CRIM1: variants seen among roughly 807,000 people sequenced by gnomAD.
CRIM1 encodes the protein cysteine rich transmembrane BMP regulator 1.
In CRIM1, 32 loss-of-function variants were observed where a neutral mutation model predicts 116.4. The observed-to-expected ratio is 0.27, with a 90% confidence interval of 0.21 to 0.37. The LOEUF is 0.37. CRIM1 is among the 10% of genes least tolerant of loss of function. The pLI is 1.00. For missense variants in CRIM1, 1,331 were observed against 1,354.8 expected (o/e 0.98, Z 0.28); for synonymous variants, 590 against 509.2 (o/e 1.16, Z -2.13).
At chr2:36,420,739 C>G (rs1330918126) in intron 2 of CRIM1, among the ~76,000 whole-genome samples, 1 of 152,116 alleles carries the variant, frequency 6.6e-6, no homozygotes, top group Non-Finnish European at 1.5e-5. Flanking sequence ...GAAAGGAGAG[C>G]ACAGTCGACA....
chr2:36,385,534 C>T (rs1671109591), intron 1 of CRIM1, among the ~76,000 whole-genome samples: 1 of 151,982 alleles, frequency 6.6e-6, no homozygotes. Context: ...CAGCTCTGTT[C>T]CTTGGCTGCA....
In CRIM1 at chr2:36,399,655, A is replaced by G. The variant is rs562001580; in HGVS notation, c.505+2868A>G. Among the ~76,000 whole-genome samples, 8 of 152,372 alleles carry G rather than the reference A, an allele frequency of 5.3e-5. 1 individual carries two copies. Among genetic ancestry groups the G allele is most frequent in the African/African-American group, 1.7e-4 (7 of 41,592 alleles). ...GAGGTCAAGAAGAGCTTAAGAAAAT[A>G]TAGGAGATACTACAGCATGTTTGGA... On this transcript the variant is annotated intron_variant, in intron 2 of 16. Coordinates refer to ENST00000280527, the MANE Select transcript of CRIM1 (RefSeq NM_016441.3).
At chr2:36,483,153 T>C (rs1679548801) in intron 7 of CRIM1, among the ~76,000 whole-genome samples, 2 of 152,202 alleles carry the variant, frequency 1.3e-5, no homozygotes, top group Non-Finnish European at 2.9e-5. Context: ...TTTGTTGACT[T>C]TTCTCTACAT....
chr2:36,546,864 A>C (rs1667379176), intron 15 of CRIM1, 120 bp from the exon 16 acceptor site: 1 of 567,832 alleles, frequency 1.8e-6, no homozygotes, highest in Non-Finnish European at 3.0e-6. Flanking sequence ...TCACATTTTT[A>C]GCCTCAAAAA....
intron 14 of CRIM1, among the ~76,000 whole-genome samples, chr2:36,541,688 C>T (rs751150860): frequency 1.5e-4 from 23 of 152,172 alleles, no homozygotes; most frequent in Non-Finnish European, 2.9e-4. Context: ...TCCTCCAAAG[C>T]GCAGGTCAAG....
At chr2:36,527,255 T>G (rs1665818443) in intron 13 of CRIM1, among the ~76,000 whole-genome samples, 1 of 152,082 alleles carries the variant, frequency 6.6e-6, no homozygotes, top group African/African-American at 2.4e-5. Flanking sequence ...ACATGCCTTC[T>G]AATCAGCGAG....
At chr2:36,502,816 G>A (rs1477666748) in intron 8 of CRIM1, among the ~76,000 whole-genome samples, 1 of 152,174 alleles carries the variant, frequency 6.6e-6, no homozygotes, top group African/African-American at 2.4e-5. Context: ...AGCAGATACT[G>A]GCTGAGTGAA....
intron 1 of CRIM1, among the ~76,000 whole-genome samples, chr2:36,395,789 C>T (rs989798907): frequency 1.3e-5 from 2 of 152,162 alleles, no homozygotes; most frequent in Non-Finnish European, 2.9e-5. Flanking sequence ...TACTATCAGT[C>T]TCCCCAAACG....
At chr2:36,371,226 C>T (rs1225186523) in intron 1 of CRIM1, among the ~76,000 whole-genome samples, 1 of 152,122 alleles carries the variant, frequency 6.6e-6, no homozygotes, top group Non-Finnish European at 1.5e-5. Context: ...AGCCTTCCTG[C>T]CCTGCCCAGG....
At position 36,441,350 on chromosome 2, in the gene CRIM1, C is replaced by G; in HGVS notation, c.598C>G (p.Pro200Ala). The G allele has an allele frequency of 1.2e-6, 2 of 1,614,226 alleles. No individual in the cohort carries two copies. The highest frequency in any genetic ancestry group is 2.2e-5 in the East Asian group (1 of 44,878). ...TGTTCTGATCGAGGGTTATGCTCCT[C>G]CTGGGGAGTGCTGTCCCTTACCCAG... ...DSVLIEGYAPPGECCPLPSRC... is the reference protein window; with the variant it reads ...DSVLIEGYAPAGECCPLPSRC... Residue 200 changes from proline to alanine, a missense_variant, in exon 3 of 17, where the codon CCT becomes GCT. Around this residue, in one of 3 missense-constraint regions of CRIM1, gnomAD observed 690 missense variants for 676.0 expected, o/e 1.02. Coordinates refer to ENST00000280527, the MANE Select transcript of CRIM1 (RefSeq NM_016441.3).
intron 2 of CRIM1, among the ~76,000 whole-genome samples, chr2:36,417,180 G>T (rs1673683732): frequency 6.6e-6 from 1 of 152,144 alleles, no homozygotes; most frequent in Admixed American, 6.5e-5. Flanking sequence ...TCCTGTGTCT[G>T]TGGTGATTAA....
At chr2:36,371,823 T>C (rs1669964830) in intron 1 of CRIM1, among the ~76,000 whole-genome samples, 1 of 152,210 alleles carries the variant, frequency 6.6e-6, no homozygotes, top group African/African-American at 2.4e-5. Flanking sequence ...AGGGATCTGA[T>C]ATACTAAACG....
intron 1 of CRIM1, among the ~76,000 whole-genome samples, chr2:36,392,773 C>T (rs569408369): frequency 6.6e-4 from 100 of 152,126 alleles, no homozygotes; most frequent in South Asian, 1.5e-3. Flanking sequence ...AAACCATTTC[C>T]CAAGAAGAAA....
At chr2:36,512,541 C>T in intron 10 of CRIM1, 147 bp downstream of exon 10, 2 of 732,656 alleles carry the variant, frequency 2.7e-6, no homozygotes, top group Non-Finnish European at 4.2e-6. Context: ...TCCCACAGGA[C>T]TCCCTTTTCC....
chr2:36,523,194 C>G (rs1437517376), intron 13 of CRIM1, among the ~76,000 whole-genome samples: 1 of 152,074 alleles, frequency 6.6e-6, no homozygotes, highest in Non-Finnish European at 1.5e-5. Context: ...CATATTAGAG[C>G]CCACTTAGTG....
chr2:36,473,939 A>G (rs1678751957), intron 5 of CRIM1, among the ~76,000 whole-genome samples: 2 of 152,162 alleles, frequency 1.3e-5, no homozygotes, highest in Non-Finnish European at 2.9e-5. Context: ...ACTGTTTTCC[A>G]AAGCAGCTGT....
Position 36,499,237 on chromosome 2 carries a change from T to C in CRIM1, c.1391T>C (p.Val464Ala), listed in dbSNP as rs755216648. Residue 464 changes from valine to alanine, a missense_variant, in exon 8 of 17, where the codon GTT becomes GCT. By Grantham distance (64) the Val-to-Ala change is moderately conservative. This residue lies in a region of CRIM1 where 690 missense variants were observed against 676.0 expected (regional missense o/e 1.02). Transcript: ENST00000280527. Reference sequence around the variant, plus strand: ...TTATTAGAACCAACCATCATCACAGTTGATCCACCTGCATGTGGGGAGTTA... The same window carrying C: ...TTATTAGAACCAACCATCATCACAGCTGATCCACCTGCATGTGGGGAGTTA... ...PVCEEPTIIT[V>A]DPPACGELSN... 5 of 1,611,610 alleles carry C rather than the reference T, an allele frequency of 3.1e-6. No homozygotes were observed. Among genetic ancestry groups the C allele is most frequent in the Non-Finnish European group, 4.2e-6 (5 of 1,177,870 alleles).
Position 36,537,410 on chromosome 2 carries a change from G to A in CRIM1, c.2487G>A (p.Glu829=). Residue 829 remains glutamate (E), a synonymous_variant, in exon 14 of 17, where the codon GAG becomes GAA. Transcript: ENST00000280527. The stretch of plus-strand genomic sequence containing the variant: ...TCAGTGGGAAGGCCTATGCCGACGA[G>A]GAGCGGTGGGACCTTGACAGCTGCA... ...CHFSGKAYAD[E]ERWDLDSCTH... is the part of the protein sequence containing the mutation. The A allele has an allele frequency of 6.2e-7, 1 of 1,614,242 alleles. No individual in the cohort carries two copies. The highest frequency in any genetic ancestry group is 1.1e-5 in the South Asian group (1 of 91,088).
chr2:36,434,683 C>T (rs1675160158), intron 2 of CRIM1, among the ~76,000 whole-genome samples: 1 of 152,190 alleles, frequency 6.6e-6, no homozygotes, highest in African/African-American at 2.4e-5. Flanking sequence ...GAATTTAATG[C>T]TTAATAAGAA....
Sources: allele counts gnomAD v4.1 joint callset (sites outside exome capture counted in the v4.1 genomes callset), GRCh38; gene constraint gnomAD v4.1.1; regional missense constraint gnomAD v4.1.1; transcripts MANE v1.5; gene names NCBI Gene and HGNC (gene_info 2026-07-23, HGNC 2026-07-21).